FGGY: variants seen among roughly 807,000 people sequenced by gnomAD.
FGGY encodes the protein FGGY carbohydrate kinase domain containing.
FGGY carries 72 observed loss-of-function variants against 71.3 expected under a neutral mutation model. The ratio of observed to expected loss-of-function variants is 1.01; its 90% CI spans 0.84 to 1.23. The LOEUF is 1.23. Among genes scored for constraint, FGGY ranks in the 50% most tolerant of loss-of-function variants. FGGY has a pLI of 0.00. For synonymous variants in FGGY, 251 were observed against 250.3 expected (o/e 1.00, Z -0.02); for missense variants, 668 against 682.3 (o/e 0.98, Z 0.23).
intron 6 of FGGY, among the ~76,000 whole-genome samples, chr1:59,505,261 C>T (rs1306045666): frequency 1.3e-5 from 2 of 152,112 alleles, no homozygotes; most frequent in Non-Finnish European, 2.9e-5. Flanking sequence ...GCTACTTGAG[C>T]GTAGGGGCCT....
At chr1:59,307,900 G>T (rs1436625013) in intron 1 of FGGY, among the ~76,000 whole-genome samples, 2 of 152,130 alleles carry the variant, frequency 1.3e-5, no homozygotes, top group Non-Finnish European at 2.9e-5. Context: ...TAGATAGTTT[G>T]TTCCTATCAA....
At chr1:59,404,971 G>A (rs1352921693) in intron 5 of FGGY, among the ~76,000 whole-genome samples, 4 of 152,192 alleles carry the variant, frequency 2.6e-5, no homozygotes, top group Non-Finnish European at 5.9e-5. Context: ...AACACGTGAT[G>A]ATGAGCATAT....
intron 6 of FGGY, among the ~76,000 whole-genome samples, chr1:59,470,734 T>G (rs2407515): frequency 0.41 from 62,143 of 152,102 alleles, 12,873 homozygotes; most frequent in Middle Eastern, 0.5. Context: ...GTTGTGGGTG[T>G]TGTAAAATCC....
intron 5 of FGGY, among the ~76,000 whole-genome samples, chr1:59,444,733 G>A (rs142895487): frequency 4.6e-5 from 7 of 152,258 alleles, no homozygotes; most frequent in Admixed American, 2.6e-4. Flanking sequence ...TAAGTTGCAC[G>A]CTCCTTATGA....
chr1:59,689,352 C>T (rs1196376341), intron 14 of FGGY, among the ~76,000 whole-genome samples: 3 of 152,020 alleles, frequency 2.0e-5, no homozygotes, highest in Admixed American at 6.5e-5. Flanking sequence ...CGGAGATCAA[C>T]GTTAACTCCT....
Position 59,536,292 on chromosome 1 carries a change from C to T in FGGY, c.800-17832C>T, listed in dbSNP as rs558714853. Among the ~76,000 whole-genome samples, 25 of 152,260 alleles carry T rather than the reference C, an allele frequency of 1.6e-4. No homozygotes were observed. In the East Asian group the frequency reaches 4.6e-3, roughly 28 times the overall value. On this transcript the variant is annotated intron_variant, in intron 7 of 15. Coordinates refer to ENST00000303721, the MANE Select transcript of FGGY (RefSeq NM_018291.5). ...AGACTAAACCAGGAAGAAGTTGAAT[C>T]TCTGAATAGACCAATAACAGGCTCT... is the stretch of plus-strand genomic sequence containing the variant.
intron 9 of FGGY, among the ~76,000 whole-genome samples, chr1:59,616,143 C>G (rs918578513): frequency 1.3e-5 from 2 of 152,136 alleles, no homozygotes; most frequent in African/African-American, 4.8e-5. Context: ...TGGGTATATA[C>G]CCAAAGGATT....
chr1:59,568,713 G>C (rs1245518559), intron 8 of FGGY, among the ~76,000 whole-genome samples: 2 of 152,024 alleles, frequency 1.3e-5, no homozygotes, highest in East Asian at 3.9e-4. Context: ...TGACTCCTCT[G>C]GGCCTTCACA....
chr1:59,469,232 A>G lies in FGGY; in HGVS notation c.670+12156A>G, dbSNP rs138568541. On this transcript the variant is annotated intron_variant, in intron 6 of 15. Coordinates refer to ENST00000303721, the MANE Select transcript of FGGY (RefSeq NM_018291.5). ...AAAGTATTAGTTCTTTTCTGCTGCT[A>G]TAACAGAATACTTGAGGTTGGGTGA... is the stretch of plus-strand genomic sequence containing the variant. 1.4e-4 allele frequency among the ~76,000 whole-genome samples: 22 copies of G among 152,360 alleles called. No homozygotes were observed. In the East Asian group the frequency reaches 4.1e-3, roughly 28 times the overall value.
chr1:59,534,057 A>G (rs2095243434), intron 7 of FGGY, among the ~76,000 whole-genome samples: 1 of 152,202 alleles, frequency 6.6e-6, no homozygotes, highest in African/African-American at 2.4e-5. Context: ...CATTCAAACC[A>G]AAGGCAAAGA....
chr1:59,689,353 G>A (rs1316994021), intron 14 of FGGY, among the ~76,000 whole-genome samples: 3 of 152,142 alleles, frequency 2.0e-5, no homozygotes, highest in African/African-American at 7.2e-5. Context: ...GGAGATCAAC[G>A]TTAACTCCTG....
chr1:59,347,061 T>C (rs1010281258), intron 4 of FGGY, among the ~76,000 whole-genome samples: 44 of 150,284 alleles, frequency 2.9e-4, no homozygotes, highest in African/African-American at 1.1e-3. Flanking sequence ...ATCTTTTTGA[T>C]GCCTTTATGC....
At chr1:59,302,145 C>A (rs2042854967) in intron 1 of FGGY, among the ~76,000 whole-genome samples, 1 of 151,914 alleles carries the variant, frequency 6.6e-6, no homozygotes, top group African/African-American at 2.4e-5. Flanking sequence ...TTGGTCAGGG[C>A]ATATTATCCT....
At chr1:59,658,235 T>G (rs1213061113) in intron 11 of FGGY, among the ~76,000 whole-genome samples, 1 of 152,176 alleles carries the variant, frequency 6.6e-6, no homozygotes, top group African/African-American at 2.4e-5. Context: ...CACTGTGAAA[T>G]AAAGTTCCAT....
chr1:59,499,204 T>C (rs2094140681), intron 6 of FGGY, among the ~76,000 whole-genome samples: 1 of 151,806 alleles, frequency 6.6e-6, no homozygotes, highest in Non-Finnish European at 1.5e-5. Context: ...TAATTATATA[T>C]AGTAGTTCCC....
rs543249500 is a variant in FGGY, at chr1:59,727,149, T to G, written c.1513-30782T>G. 2.0e-5 allele frequency among the ~76,000 whole-genome samples: 3 copies of G among 152,230 alleles called. No individual in the cohort carries two copies. In the South Asian group the frequency reaches 6.2e-4, roughly 31 times the overall value. ...CAAGTGAGAATATGTGGTATTTGGT[T>G]TTCTGTTCCTACATTAATTTGCATA... On this transcript the variant is annotated intron_variant, in intron 14 of 15. Coordinates refer to ENST00000303721, the MANE Select transcript of FGGY (RefSeq NM_018291.5).
rs147627031 is a variant in FGGY at position 59,508,631 on chromosome 1, T to C, written c.671-3680T>C. Among the ~76,000 whole-genome samples the C allele has an allele frequency of 3.0e-4, 46 of 152,324 alleles. 2 individuals are homozygous for C. The East Asian group carries it at 8.9e-3, about 29-fold the overall frequency. ...GGGTGATTTCTCAGGGATTCTCACC[T>C]ATTTCTATCATCCTCTCTCATGCCA... On this transcript the variant is annotated intron_variant, in intron 6 of 15. Coordinates refer to ENST00000303721, the MANE Select transcript of FGGY (RefSeq NM_018291.5).
At chr1:59,454,634 A>G (rs2091505888) in intron 5 of FGGY, among the ~76,000 whole-genome samples, 2 of 152,136 alleles carry the variant, frequency 1.3e-5, no homozygotes, top group South Asian at 4.2e-4. Flanking sequence ...CCTCCTTGAT[A>G]TTTCCTCCCT....
chr1:59,620,278 A>C (rs928804615), intron 9 of FGGY, among the ~76,000 whole-genome samples: 13 of 152,006 alleles, frequency 8.6e-5, no homozygotes, highest in African/African-American at 3.1e-4. Flanking sequence ...CATCTAATCC[A>C]TCAGTAAGTC....
Sources: gnomAD v4.1 joint callset for allele counts (sites outside exome capture counted in the v4.1 genomes callset) on GRCh38, gnomAD v4.1.1 for gene constraint, MANE v1.5 for transcripts, NCBI Gene and HGNC (gene_info 2026-07-23, HGNC 2026-07-21) for gene names.